Variants in SIK3 observed in about 807,000 individuals in gnomAD.
The protein encoded by SIK3 is serine/threonine-protein kinase SIK3.
A neutral mutation model predicts 144.2 loss-of-function variants in SIK3; 28 were observed. The observed-to-expected ratio is 0.19, with a 90% CI of 0.14 to 0.27. SIK3 has a LOEUF of 0.27. SIK3 is among the 10% of genes least tolerant of loss of function. The pLI is 1.00. For synonymous variants in SIK3, 686 were observed against 676.3 expected (o/e 1.01, Z -0.22); for missense variants, 1,319 against 1,776.0 (o/e 0.74, Z 4.62).
At chr11:117,069,663 G>A (rs374325623) in intron 1 of SIK3, among the ~76,000 whole-genome samples, 2 of 152,232 alleles carry the variant, frequency 1.3e-5, no homozygotes. Flanking sequence ...GTAGGCAAAA[G>A]AGCATTTCCT....
intron 1 of SIK3, among the ~76,000 whole-genome samples, chr11:117,095,009 G>A (rs1341056612): frequency 1.3e-5 from 2 of 151,918 alleles, no homozygotes; most frequent in Non-Finnish European, 2.9e-5. Flanking sequence ...AACCAAATAG[G>A]AAAAGCTTCA....
chr11:116,858,485 C>A lies in SIK3; in HGVS notation c.2980G>T (p.Ala994Ser). ...HQQPPHYTTS[A>S]LQQALLSPTP... ...GGAGACAGCAGGGCCTGCTGTAGTG[C>A]CGACGTGGTATAGTGTGGCGGCTGC... The change falls in exon 21 of 25, where the codon GCA (alanine) becomes TCA (serine). Residue 994 changes from alanine (A) to serine (S), a missense_variant. Physicochemically the swap from Ala to Ser is moderately conservative, Grantham distance 99. Coordinates refer to ENST00000445177, the MANE Select transcript of SIK3 (RefSeq NM_001366686.3). This position sits in a 1 kb window ranked among gnomAD's most constrained non-coding sequence, Gnocchi z 5.4. The A allele has an allele frequency of 1.2e-6, 2 of 1,607,136 alleles. No individual in the cohort carries two copies. Among genetic ancestry groups the A allele is most frequent in the Non-Finnish European group, 1.7e-6 (2 of 1,175,994 alleles).
intron 1 of SIK3, among the ~76,000 whole-genome samples, chr11:117,058,863 A>G (rs1953669452): frequency 6.6e-6 from 1 of 152,232 alleles, no homozygotes; most frequent in African/African-American, 2.4e-5. Flanking sequence ...GAAAAAGGGC[A>G]GTACTGTTAA....
At chr11:116,865,173 T>C (rs1271330458) in intron 15 of SIK3, 2 of 151,302 alleles carry the variant, frequency 1.3e-5, no homozygotes, top group Non-Finnish European at 3.0e-5. Flanking sequence ...TAGAAGCAAG[T>C]AAGTACTATT....
intron 1 of SIK3, among the ~76,000 whole-genome samples, chr11:116,979,663 A>G (rs1346465841): frequency 6.6e-6 from 1 of 152,172 alleles, no homozygotes; most frequent in Non-Finnish European, 1.5e-5. Context: ...ACTGACCAAC[A>G]TGGCAAGACC....
Position 116,947,531 on chromosome 11 carries a change from ATATG to A in SIK3, c.454+6509_454+6512del, listed in dbSNP as rs748760831. ...TTTAGCTAGGGAAATATATATATAT[ATATG>A]TATGTATGTATGTATGTATGTATGT... On this transcript the variant is annotated intron_variant, in intron 3 of 24. Transcript: ENST00000445177. Among the ~76,000 whole-genome samples the A allele has an allele frequency of 9.9e-4, 124 of 125,036 alleles. 2 individuals are homozygous for A. The highest frequency in any genetic ancestry group is 3.1e-3 in the African/African-American group (105 of 33,444). 82.0% of individuals were successfully genotyped at this position (125,036 alleles called of 152,430 possible). A position where few individuals can be genotyped will look rare whatever the true frequency, so the allele number is the denominator to read the frequency against.
At chr11:116,852,033 T>C (rs975133515) in intron 21 of SIK3, among the ~76,000 whole-genome samples, 2 of 152,256 alleles carry the variant, frequency 1.3e-5, no homozygotes, top group African/African-American at 4.8e-5. Context: ...CAGTTGCATC[T>C]CTTTGCTCTC....
At chr11:117,062,796 CAGT>C (rs1331568225) in intron 1 of SIK3, among the ~76,000 whole-genome samples, 2 of 152,170 alleles carry the variant, frequency 1.3e-5, no homozygotes, top group Non-Finnish European at 2.9e-5. Flanking sequence ...TTCACATACA[CAGT>C]AGGAAAATCT....
chr11:117,016,100 T>C (rs1368846586), intron 1 of SIK3: 1 of 151,824 alleles, frequency 6.6e-6, no homozygotes, highest in Non-Finnish European at 1.5e-5. Flanking sequence ...CCAAGGCAGA[T>C]AGATCACTTG....
intron 21 of SIK3, among the ~76,000 whole-genome samples, chr11:116,854,535 C>T (rs368852737): frequency 1.3e-5 from 2 of 152,232 alleles, no homozygotes; most frequent in South Asian, 2.1e-4. Context: ...AGTAGAAGCT[C>T]CCTGAGGACA....
rs199707321 is a variant in SIK3, at chr11:116,970,112, C to CA, written c.274-13049dup. Among the ~76,000 whole-genome samples, 571 of 152,072 alleles carry CA rather than the reference C, an allele frequency of 3.8e-3. 3 individuals carry two copies. The highest frequency in any genetic ancestry group is 0.017 in the Middle Eastern group (5 of 294). ...GCAACATAGTGGAATCCTGTCTCTA[C>CA]AAAAAAAATTTCAAATTGGTTGGGC... On this transcript the variant is annotated intron_variant, in intron 1 of 24. Transcript: ENST00000445177.
chr11:116,972,709 C>G (rs11216206), intron 1 of SIK3, among the ~76,000 whole-genome samples: 14,845 of 151,928 alleles, frequency 0.098, 871 homozygotes, highest in East Asian at 0.29. Context: ...ACTATGTACC[C>G]TCAAAAAAAA....
intron 3 of SIK3, among the ~76,000 whole-genome samples, chr11:116,949,701 C>A (rs971083157): frequency 5.3e-5 from 8 of 152,182 alleles, no homozygotes; most frequent in African/African-American, 1.7e-4. Flanking sequence ...CCCCTGCGAA[C>A]TAGCAAACCT....
chr11:116,871,921 C>T (rs1369465979), intron 13 of SIK3, among the ~76,000 whole-genome samples: 3 of 152,170 alleles, frequency 2.0e-5, no homozygotes, highest in Admixed American at 6.5e-5. Context: ...TAAATCTATC[C>T]CATAGGCAGT....
At chr11:116,921,702 T>G (rs953636041) in intron 4 of SIK3, among the ~76,000 whole-genome samples, 29 of 152,192 alleles carry the variant, frequency 1.9e-4, no homozygotes, top group Non-Finnish European at 1.5e-5. Context: ...GATCAAGGCT[T>G]CTTCTGTATT....
chr11:116,913,136 T>C (rs1218045605), intron 4 of SIK3, among the ~76,000 whole-genome samples: 2 of 152,118 alleles, frequency 1.3e-5, no homozygotes, highest in African/African-American at 4.8e-5. Context: ...GTCACAATAT[T>C]AGTTCACTCT....
chr11:117,021,396 C>G (rs1327605686), intron 1 of SIK3, among the ~76,000 whole-genome samples: 1 of 152,098 alleles, frequency 6.6e-6, no homozygotes, highest in Non-Finnish European at 1.5e-5. Context: ...AGCACATTGT[C>G]AGAACCCCAC....
chr11:117,030,221 G>A (rs187427104), intron 1 of SIK3, among the ~76,000 whole-genome samples: 1 of 152,136 alleles, frequency 6.6e-6, no homozygotes, highest in African/African-American at 2.4e-5. Context: ...AGGCCTCTAA[G>A]ATGCCCACGT....
At chr11:116,931,637 T>C (rs1289387827) in intron 3 of SIK3, among the ~76,000 whole-genome samples, 1 of 152,174 alleles carries the variant, frequency 6.6e-6, no homozygotes, top group East Asian at 1.9e-4. Flanking sequence ...GTATGTGTGC[T>C]CATCTTCATC....
Sources: allele counts gnomAD v4.1 joint callset (sites outside exome capture counted in the v4.1 genomes callset), GRCh38; gene constraint gnomAD v4.1.1; non-coding constraint Gnocchi (gnomAD v3.1); transcripts MANE v1.5; gene names NCBI Gene and HGNC (gene_info 2026-07-23, HGNC 2026-07-21).